NAV2: variants seen among roughly 807,000 people sequenced by gnomAD.
The protein encoded by NAV2 is helicase, APC down-regulated 1.
In NAV2, 54 loss-of-function variants were observed where a neutral mutation model predicts 223.2. The ratio of observed to expected loss-of-function variants is 0.24; its 90% CI spans 0.19 to 0.30. The LOEUF (loss-of-function observed/expected upper bound fraction) is 0.30. NAV2 is among the 10% of genes least tolerant of loss of function. NAV2 has a pLI of 1.00. For missense variants in NAV2, 2,806 were observed against 3,147.5 expected, an observed-to-expected ratio of 0.89 and a Z score of 2.60; for synonymous variants, 1,279 against 1,239.3, an observed-to-expected ratio of 1.03 and a Z score of -0.67.
chr11:19,639,375 G>A (rs1319481441), intron 1 of NAV2, among the ~76,000 whole-genome samples: 1 of 152,180 alleles, frequency 6.6e-6, no homozygotes, highest in African/African-American at 2.4e-5. Flanking sequence ...ATAGCCCCAT[G>A]TGGGGGCCCC....
chr11:19,910,187 A>G (rs931787320), intron 6 of NAV2, among the ~76,000 whole-genome samples: 4 of 152,362 alleles, frequency 2.6e-5, no homozygotes, highest in Admixed American at 6.5e-5. Context: ...GCTAAGGGCC[A>G]GTGTTGACAT....
intron 11 of NAV2, among the ~76,000 whole-genome samples, chr11:20,007,132 T>C (rs1486872101): frequency 2.6e-5 from 4 of 152,138 alleles, no homozygotes; most frequent in African/African-American, 9.7e-5. Flanking sequence ...AATTTTTGTA[T>C]TTTTTGTAGA....
chr11:19,722,281 G>A (rs182697197), intron 1 of NAV2, among the ~76,000 whole-genome samples: 1 of 151,788 alleles, frequency 6.6e-6, no homozygotes, highest in Admixed American at 6.6e-5. Context: ...TGTTTCCAAG[G>A]TTGCAAATAC....
chr11:19,781,439 A>T (rs9666284), intron 1 of NAV2, among the ~76,000 whole-genome samples: 87,770 of 151,976 alleles, frequency 0.58, 26,386 homozygotes, highest in Middle Eastern at 0.74. Flanking sequence ...ATCACCCTTC[A>T]GCGTCTTGGA....
chr11:19,410,921 C>T (rs1337254688), intron 1 of NAV2, among the ~76,000 whole-genome samples: 1 of 152,132 alleles, frequency 6.6e-6, no homozygotes, highest in Admixed American at 6.5e-5. Flanking sequence ...AGCAGCTTGA[C>T]ATCAAATCTT....
At chr11:19,494,191 G>A (rs934853797) in intron 1 of NAV2, among the ~76,000 whole-genome samples, 5 of 152,222 alleles carry the variant, frequency 3.3e-5, no homozygotes, top group Non-Finnish European at 7.3e-5. Flanking sequence ...TGGCAAGAGG[G>A]CCATGGATTG....
intron 14 of NAV2, among the ~76,000 whole-genome samples, 199 bp from the exon 15 acceptor site, chr11:20,048,529 C>T (rs533664511): frequency 7.2e-5 from 11 of 152,300 alleles, no homozygotes; most frequent in Non-Finnish European, 1.5e-4. Flanking sequence ...AATTTGAAGA[C>T]GGCAGCCTGT....
At chr11:19,637,066 A>AT (rs2047523696) in intron 1 of NAV2, among the ~76,000 whole-genome samples, 3 of 152,204 alleles carry the variant, frequency 2.0e-5, no homozygotes, top group Non-Finnish European at 4.4e-5. Context: ...TGCTTCATCC[A>AT]AGAAAACAAG....
intron 1 of NAV2, among the ~76,000 whole-genome samples, chr11:19,414,705 C>G (rs1277788914): frequency 6.6e-6 from 1 of 152,152 alleles, no homozygotes; most frequent in Admixed American, 6.6e-5. Flanking sequence ...GTAAAACACT[C>G]CTCAGCAAAT....
At chr11:19,667,015 C>T (rs879532944) in intron 1 of NAV2, among the ~76,000 whole-genome samples, 15 of 152,170 alleles carry the variant, frequency 9.9e-5, no homozygotes, top group Non-Finnish European at 2.1e-4. Flanking sequence ...CCTCCCCAGC[C>T]TCCCTCCCAC....
At chr11:19,685,381 T>G (rs756322092) in intron 1 of NAV2, among the ~76,000 whole-genome samples, 1 of 152,062 alleles carries the variant, frequency 6.6e-6, no homozygotes, top group African/African-American at 2.4e-5. Flanking sequence ...AAAGCAGGTT[T>G]CAAGCAGCCC....
intron 11 of NAV2, among the ~76,000 whole-genome samples, chr11:20,012,780 G>C (rs1407692865): frequency 1.3e-5 from 2 of 151,824 alleles, no homozygotes; most frequent in Non-Finnish European, 1.5e-5. Context: ...GTAAAGTCAA[G>C]AAAATCATCC....
intron 1 of NAV2, among the ~76,000 whole-genome samples, chr11:19,452,032 T>C (rs928620696): frequency 6.6e-6 from 1 of 152,138 alleles, no homozygotes; most frequent in African/African-American, 2.4e-5. Context: ...GTATCAGCTG[T>C]TTCATCCTCA....
intron 22 of NAV2, among the ~76,000 whole-genome samples, chr11:20,075,433 G>A: frequency 6.6e-6 from 1 of 151,948 alleles, no homozygotes; most frequent in Middle Eastern, 3.2e-3. Context: ...AGTAGAGACG[G>A]GGTTTCACCG....
intron 22 of NAV2, among the ~76,000 whole-genome samples, chr11:20,072,482 G>A (rs1175393262): frequency 6.6e-6 from 1 of 152,142 alleles, no homozygotes; most frequent in Non-Finnish European, 1.5e-5. Context: ...AAAGTCATTG[G>A]TAGCTTGATG....
chr11:19,827,249 C>G (rs2059686568), intron 1 of NAV2, among the ~76,000 whole-genome samples: 1 of 152,094 alleles, frequency 6.6e-6, no homozygotes, highest in Non-Finnish European at 1.5e-5. Context: ...CATAGACTGG[C>G]AGACTTTCTG....
intron 1 of NAV2, among the ~76,000 whole-genome samples, chr11:19,392,708 T>C (rs1430813139): frequency 1.3e-5 from 2 of 152,196 alleles, no homozygotes; most frequent in Admixed American, 6.5e-5. Context: ...GGAGGGATAT[T>C]AGACTCTTGA....
chr11:19,715,673 G>A (rs1034709574), intron 1 of NAV2, among the ~76,000 whole-genome samples: 10 of 152,148 alleles, frequency 6.6e-5, no homozygotes, highest in Non-Finnish European at 1.5e-4. Flanking sequence ...CTCTGGAAAG[G>A]TGATTCATCA....
intron 26 of NAV2, among the ~76,000 whole-genome samples, chr11:20,085,195 T>A (rs1448517887): frequency 4.2e-5 from 6 of 144,332 alleles, no homozygotes; most frequent in African/African-American, 7.7e-5. Context: ...TGTCTCTATT[T>A]AAAAAAAAAA....
Sources: gnomAD v4.1 joint callset for allele counts (sites outside exome capture counted in the v4.1 genomes callset) on GRCh38, gnomAD v4.1.1 for gene constraint, MANE v1.5 for transcripts, NCBI Gene and HGNC (gene_info 2026-07-23, HGNC 2026-07-21) for gene names.